The following PTPRG variants were observed in gnomAD, a reference collection of about 807,000 sequenced individuals.
PTPRG encodes receptor-type tyrosine-protein phosphatase gamma.
PTPRG carries 102 observed loss-of-function variants against 165.3 expected under a neutral mutation model. The ratio of observed to expected loss-of-function variants is 0.62; its 90% CI spans 0.53 to 0.73. The LOEUF (loss-of-function observed/expected upper bound fraction) is 0.73, where lower values mean the gene tolerates loss of function less well. Among genes scored for constraint, PTPRG ranks in the 30% least tolerant of loss-of-function variants. The pLI is 0.00. For missense variants in PTPRG, 1,866 were observed against 1,861.4 expected (o/e 1.00, Z -0.05); for synonymous variants, 675 against 669.5 (o/e 1.01, Z -0.13).
At chr3:61,728,908 A>G (rs1183037743) in intron 1 of PTPRG, among the ~76,000 whole-genome samples, 2 of 151,796 alleles carry the variant, frequency 1.3e-5, no homozygotes, top group Non-Finnish European at 2.9e-5. Context: ...AAAGAAAGAA[A>G]AAAATTAGCT....
At chr3:62,167,719 G>C (rs534031688) in intron 7 of PTPRG, among the ~76,000 whole-genome samples, 14 of 152,236 alleles carry the variant, frequency 9.2e-5, no homozygotes, top group Admixed American at 8.5e-4. Flanking sequence ...TCAGAGTGCG[G>C]TATAGCCCTC....
chr3:61,905,758 G>T (rs952266027), intron 2 of PTPRG, among the ~76,000 whole-genome samples: 20 of 152,182 alleles, frequency 1.3e-4, no homozygotes, highest in African/African-American at 4.8e-4. Context: ...ACAGCTGAGA[G>T]GTGTTATTAG....
intron 2 of PTPRG, among the ~76,000 whole-genome samples, chr3:61,952,242 A>G (rs966518312): frequency 2.6e-5 from 4 of 151,790 alleles, no homozygotes; most frequent in Non-Finnish European, 5.9e-5. Flanking sequence ...TGTTAGGACC[A>G]CTTTAGTGCC....
chr3:61,841,901 A>G (rs2036646567), intron 2 of PTPRG, among the ~76,000 whole-genome samples: 1 of 152,244 alleles, frequency 6.6e-6, no homozygotes, highest in Non-Finnish European at 1.5e-5. Flanking sequence ...CAAATTACCC[A>G]TAAAAATCCC....
chr3:61,935,608 T>G (rs1300245948), intron 2 of PTPRG, among the ~76,000 whole-genome samples: 1 of 152,026 alleles, frequency 6.6e-6, no homozygotes, highest in African/African-American at 2.4e-5. Flanking sequence ...AGTATACTTG[T>G]GCCATGTAGG....
At chr3:61,665,461 T>G (rs1382012963) in intron 1 of PTPRG, among the ~76,000 whole-genome samples, 1 of 123,646 alleles carries the variant, frequency 8.1e-6, no homozygotes, top group Non-Finnish European at 1.6e-5. Context: ...TGGTGAATTG[T>G]AAATAAATAC....
intron 6 of PTPRG, among the ~76,000 whole-genome samples, chr3:62,150,576 C>G (rs2106676684): frequency 6.6e-6 from 1 of 152,242 alleles, no homozygotes; most frequent in South Asian, 2.1e-4. Flanking sequence ...TTTCCACTAT[C>G]CACTCCTTCC....
At chr3:61,956,024 G>C (rs757821247) in intron 2 of PTPRG, among the ~76,000 whole-genome samples, 37 of 151,464 alleles carry the variant, frequency 2.4e-4, no homozygotes, top group Admixed American at 2.4e-3. Flanking sequence ...TCTGGAGAAA[G>C]GAACAAATAT....
chr3:61,813,543 C>CTCTG (rs2035656601), intron 2 of PTPRG, among the ~76,000 whole-genome samples: 1 of 116,916 alleles, frequency 8.6e-6, no homozygotes, highest in Middle Eastern at 4.5e-3. Context: ...AAAAGAAAAT[C>CTCTG]TGTGTGTGTG....
intron 5 of PTPRG, among the ~76,000 whole-genome samples, chr3:62,105,740 A>T (rs1576009062): frequency 6.6e-6 from 1 of 152,188 alleles, no homozygotes; most frequent in African/African-American, 2.4e-5. Context: ...CACAGATTCT[A>T]TAGTTTTTAG....
chr3:61,844,823 T>C (rs2036761265), intron 2 of PTPRG, among the ~76,000 whole-genome samples: 1 of 152,168 alleles, frequency 6.6e-6, no homozygotes, highest in Non-Finnish European at 1.5e-5. Flanking sequence ...TATTATTTGC[T>C]AAATCTGGCA....
At chr3:62,204,069 T>C in intron 12 of PTPRG, 119 bp downstream of exon 12, 1 of 1,423,220 alleles carries the variant, frequency 7.0e-7, no homozygotes, top group Non-Finnish European at 9.2e-7. Context: ...TAGAATCATA[T>C]ATGTCTGTCA....
chr3:62,109,396 T>C (rs533083540), intron 5 of PTPRG, among the ~76,000 whole-genome samples: 1 of 152,338 alleles, frequency 6.6e-6, no homozygotes, highest in African/African-American at 2.4e-5. Flanking sequence ...TCTGTTTTAT[T>C]GGACTATATA....
chr3:61,626,011 GT>G (rs1368296932), intron 1 of PTPRG, among the ~76,000 whole-genome samples: 2,299 of 117,806 alleles, frequency 0.02, 54 homozygotes, highest in African/African-American at 0.074. Context: ...GGGTTTGTTT[GT>G]TTTTTTTTTT....
chr3:61,721,024 G>A (rs2032022404), intron 1 of PTPRG, among the ~76,000 whole-genome samples: 1 of 152,154 alleles, frequency 6.6e-6, no homozygotes, highest in Non-Finnish European at 1.5e-5. Context: ...ACATCTCTCT[G>A]GTGATTGTCT....
At chr3:61,917,509 T>C (rs1376134395) in intron 2 of PTPRG, among the ~76,000 whole-genome samples, 3 of 152,134 alleles carry the variant, frequency 2.0e-5, no homozygotes, top group African/African-American at 7.2e-5. Flanking sequence ...GTAACATACC[T>C]CTCACACAGG....
chr3:62,036,804 C>T (rs1040405987), intron 4 of PTPRG, among the ~76,000 whole-genome samples: 7 of 152,020 alleles, frequency 4.6e-5, no homozygotes, highest in African/African-American at 1.7e-4. Context: ...CTAGGTAATT[C>T]GTACCATCCT....
intron 6 of PTPRG, among the ~76,000 whole-genome samples, chr3:62,149,990 C>T (rs1273816100): frequency 6.6e-6 from 1 of 152,190 alleles, no homozygotes; most frequent in Non-Finnish European, 1.5e-5. Flanking sequence ...TTCTCCCTTC[C>T]TGGAGTGTTC....
At chr3:62,049,473 T>C (rs1323724411) in intron 4 of PTPRG, among the ~76,000 whole-genome samples, 5 of 152,256 alleles carry the variant, frequency 3.3e-5, no homozygotes, top group African/African-American at 1.2e-4. Flanking sequence ...GGAAGTTTGC[T>C]TTGAATGATG....
Sources: gnomAD v4.1 joint callset for allele counts (sites outside exome capture counted in the v4.1 genomes callset) on GRCh38, gnomAD v4.1.1 for gene constraint, MANE v1.5 for transcripts, NCBI Gene and HGNC (gene_info 2026-07-23, HGNC 2026-07-21) for gene names.